The following SLC24A3 variants were observed in gnomAD, a reference collection of about 807,000 sequenced individuals.
SLC24A3 encodes the protein solute carrier family 24 member 3, also known as sodium/potassium/calcium exchanger 3.
In SLC24A3, 28 loss-of-function variants were observed where a neutral mutation model predicts 75.8. That is an observed-to-expected ratio of 0.37 (90% confidence interval 0.27 to 0.51). SLC24A3 has a LOEUF of 0.51. SLC24A3 is among the 20% of genes least tolerant of loss of function. The probability of loss-of-function intolerance (pLI) is 0.94; values close to 1 mark genes in which losing one functional copy is unlikely to be tolerated. For synonymous variants in SLC24A3, 372 were observed against 334.1 expected (o/e 1.11, Z -1.24); for missense variants, 663 against 847.8 (o/e 0.78, Z 2.71).
At chr20:19,676,395 AT>A (rs1342393313) in intron 9 of SLC24A3, among the ~76,000 whole-genome samples, 2 of 152,214 alleles carry the variant, frequency 1.3e-5, no homozygotes, top group African/African-American at 4.8e-5. Flanking sequence ...AAAACTGGGA[AT>A]GGAAGCTACT....
chr20:19,627,541 T>TG (rs1257437440), intron 6 of SLC24A3, among the ~76,000 whole-genome samples: 1 of 151,612 alleles, frequency 6.6e-6, no homozygotes, highest in Non-Finnish European at 1.5e-5. Context: ...GGACTGAGGA[T>TG]GGGGGGAAAA....
intron 2 of SLC24A3, among the ~76,000 whole-genome samples, chr20:19,392,262 C>A (rs1271816646): frequency 1.3e-5 from 2 of 152,182 alleles, no homozygotes; most frequent in Non-Finnish European, 2.9e-5. Flanking sequence ...CTCTGATCAC[C>A]TGTGGGTACA....
intron 1 of SLC24A3, among the ~76,000 whole-genome samples, chr20:19,259,258 C>T (rs1008126129): frequency 6.6e-6 from 1 of 152,196 alleles, no homozygotes; most frequent in Non-Finnish European, 1.5e-5. Flanking sequence ...GGTGCTGGGA[C>T]ACTCTGACTC....
chr20:19,365,814 T>G (rs1985880046), intron 2 of SLC24A3, among the ~76,000 whole-genome samples: 1 of 152,194 alleles, frequency 6.6e-6, no homozygotes, highest in African/African-American at 2.4e-5. Context: ...AGTTTCCTAC[T>G]TTCTGGTTCA....
chr20:19,285,135 G>T (rs6035270), intron 2 of SLC24A3, among the ~76,000 whole-genome samples: 62,910 of 151,928 alleles, frequency 0.41, 13,744 homozygotes, highest in African/African-American at 0.55. Context: ...GCTGTCTTCT[G>T]ATGACAGCTG....
intron 3 of SLC24A3, among the ~76,000 whole-genome samples, chr20:19,548,683 C>CT (rs1208339691): frequency 6.6e-6 from 1 of 152,210 alleles, no homozygotes; most frequent in Non-Finnish European, 1.5e-5. Flanking sequence ...AGTCCAGCCT[C>CT]TTTTGAGGAC....
chr20:19,676,629 A>C (rs2032527178), intron 9 of SLC24A3, among the ~76,000 whole-genome samples: 2 of 152,384 alleles, frequency 1.3e-5, no homozygotes, highest in South Asian at 2.1e-4. Flanking sequence ...AAGAAAAAAA[A>C]CAGCATATAT....
intron 4 of SLC24A3, among the ~76,000 whole-genome samples, chr20:19,582,146 G>A (rs559265662): frequency 5.3e-5 from 8 of 152,350 alleles, no homozygotes; most frequent in East Asian, 3.9e-4. Context: ...TCTAAGAGAC[G>A]TGGAATCAGT....
At chr20:19,271,671 G>A (rs1277766999) in intron 1 of SLC24A3, among the ~76,000 whole-genome samples, 1 of 152,248 alleles carries the variant, frequency 6.6e-6, no homozygotes, top group Admixed American at 6.5e-5. Context: ...AAGGAATGAA[G>A]TAATGGCATT....
intron 2 of SLC24A3, among the ~76,000 whole-genome samples, chr20:19,451,112 G>A (rs1392356009): frequency 6.6e-6 from 1 of 152,184 alleles, no homozygotes; most frequent in Non-Finnish European, 1.5e-5. Context: ...GAAGATTTAT[G>A]GAACTTATGA....
chr20:19,332,920 G>T (rs1182160449), intron 2 of SLC24A3, among the ~76,000 whole-genome samples: 1 of 152,032 alleles, frequency 6.6e-6, no homozygotes, highest in African/African-American at 2.4e-5. Context: ...ATTTAGGGAG[G>T]ATGCTCTAAA....
At position 19,406,211 on chromosome 20, in the gene SLC24A3, TGC is replaced by T. The variant is rs1348949364; in HGVS notation, c.272-109275_272-109274del. On this transcript the variant is annotated intron_variant, in intron 2 of 16. Coordinates refer to ENST00000328041, the MANE Select transcript of SLC24A3 (RefSeq NM_020689.4). ...GTGTGTGTGTGTGTGTGTGTGTGCG[TGC>T]GTGTGTGTGTGTGTGAGAGAGAGAG... Among the ~76,000 whole-genome samples, 25 of 149,886 alleles carry T rather than the reference TGC, an allele frequency of 1.7e-4. No individual in the cohort carries two copies. In the South Asian group the frequency reaches 1.7e-3, roughly 10 times the overall value.
In SLC24A3 at chr20:19,676,996, T is replaced by C. The variant is rs6046237; in HGVS notation, c.767+3342T>C. Among the ~76,000 whole-genome samples the C allele has an allele frequency of 7.0e-3, 1,071 of 152,350 alleles. 18 individuals carry two copies. Among genetic ancestry groups the C allele is most frequent in the African/African-American group, 0.024 (1,017 of 41,566 alleles). ...AATAATAATTTCTACTATTATTATA[T>C]ATATTCCATGAGAACGGAATGTGAC... On this transcript the variant is annotated intron_variant, in intron 9 of 16. Coordinates refer to ENST00000328041, the MANE Select transcript of SLC24A3 (RefSeq NM_020689.4).
At chr20:19,601,456 A>G (rs1014515568) in intron 6 of SLC24A3, among the ~76,000 whole-genome samples, 1 of 152,192 alleles carries the variant, frequency 6.6e-6, no homozygotes, top group African/African-American at 2.4e-5. Flanking sequence ...CAACGCACCC[A>G]CAACCTATGT....
chr20:19,321,145 A>G (rs777393434), intron 2 of SLC24A3, among the ~76,000 whole-genome samples: 1 of 152,150 alleles, frequency 6.6e-6, no homozygotes, highest in Non-Finnish European at 1.5e-5. Context: ...AGCGTTTGAC[A>G]GTAAGCTGCA....
At chr20:19,484,608 GAGTCCACTTGGGTGA>G (rs1349593617) in intron 2 of SLC24A3, among the ~76,000 whole-genome samples, 2 of 152,182 alleles carry the variant, frequency 1.3e-5, no homozygotes, top group Non-Finnish European at 2.9e-5. Flanking sequence ...AATGCTATAT[GAGTCCACTTGGGTGA>G]AGTCTCTAGA....
chr20:19,389,367 A>G (rs1015446005), intron 2 of SLC24A3, among the ~76,000 whole-genome samples: 12 of 152,134 alleles, frequency 7.9e-5, no homozygotes, highest in Non-Finnish European at 1.6e-4. Flanking sequence ...TTTCTACTTG[A>G]AGAACTCCCT....
chr20:19,688,190 G>A (rs948594736), intron 12 of SLC24A3, among the ~76,000 whole-genome samples: 5 of 152,154 alleles, frequency 3.3e-5, no homozygotes, highest in African/African-American at 1.2e-4. Context: ...GGTGAGGCCC[G>A]AGTCTGCATT....
intron 8 of SLC24A3, among the ~76,000 whole-genome samples, chr20:19,672,569 A>G (rs532214480): frequency 2.6e-5 from 4 of 152,164 alleles, no homozygotes; most frequent in African/African-American, 9.6e-5. Flanking sequence ...ACTTGGGGAC[A>G]TAAGTGATCC....
Sources: gnomAD v4.1 joint callset for allele counts (sites outside exome capture counted in the v4.1 genomes callset) on GRCh38, gnomAD v4.1.1 for gene constraint, MANE v1.5 for transcripts, NCBI Gene and HGNC (gene_info 2026-07-23, HGNC 2026-07-21) for gene names.